GHR: variants seen among roughly 807,000 people sequenced by gnomAD.
GHR encodes growth hormone receptor, also known as GH receptor.
Under a neutral mutation model 67.1 loss-of-function variants are expected in GHR, and 35 were observed. The ratio of observed to expected loss-of-function variants is 0.52; its 90% CI spans 0.40 to 0.69. The LOEUF is 0.69. Among genes scored for constraint, GHR ranks in the 30% least tolerant of loss-of-function variants. The pLI, the probability that GHR is intolerant of heterozygous loss-of-function variation, is 0.00. For synonymous variants in GHR, 272 were observed against 269.1 expected (o/e 1.01, Z -0.10); for missense variants, 792 against 764.6 (o/e 1.04, Z -0.42).
At chr5:42,547,394 T>A (rs1462740931) in intron 1 of GHR, among the ~76,000 whole-genome samples, 2 of 152,092 alleles carry the variant, frequency 1.3e-5, no homozygotes, top group Non-Finnish European at 2.9e-5. Flanking sequence ...CACTCCACAC[T>A]CAATGATGGG....
intron 1 of GHR, among the ~76,000 whole-genome samples, chr5:42,562,396 A>AT (rs545991648): frequency 5.3e-4 from 81 of 151,982 alleles, no homozygotes; most frequent in African/African-American, 1.9e-3. Flanking sequence ...ATCCATCCAC[A>AT]TTTTTTTATC....
chr5:42,627,219 TC>T (rs577909127), intron 2 of GHR, among the ~76,000 whole-genome samples: 61 of 152,328 alleles, frequency 4.0e-4, no homozygotes, highest in African/African-American at 1.3e-3. Context: ...GAACTTTTTT[TC>T]ATACTGTTTA....
rs1554054642 is a variant in GHR, at chr5:42,474,333, G to GAAAGAAAAGAAAT, written c.-12+50386_-12+50398dup. On this transcript the variant is annotated intron_variant, in intron 1 of 9. Coordinates refer to ENST00000230882, the MANE Select transcript of GHR (RefSeq NM_000163.5). ...AGAAAGAAAGAAAGAAAGAAAGAAA[G>GAAAGAAAAGAAAT]AAAGAAAAGAAATAAAGAAAGAAAG... is the stretch of plus-strand genomic sequence containing the variant. 3.3e-4 allele frequency among the ~76,000 whole-genome samples: 49 copies of GAAAGAAAAGAAAT among 149,222 alleles called. 1 individual carries two copies. Among genetic ancestry groups the GAAAGAAAAGAAAT allele is most frequent in the Middle Eastern group, 6.8e-3 (2 of 294 alleles).
intron 1 of GHR, among the ~76,000 whole-genome samples, chr5:42,432,185 A>T (rs908422660): frequency 6.6e-6 from 1 of 152,234 alleles, no homozygotes; most frequent in Non-Finnish European, 1.5e-5. Context: ...ATATTAAACA[A>T]GTGATAAAGT....
chr5:42,593,469 C>CTA (rs1308867402), intron 2 of GHR, among the ~76,000 whole-genome samples: 1 of 152,138 alleles, frequency 6.6e-6, no homozygotes, highest in Non-Finnish European at 1.5e-5. Flanking sequence ...AGAGTCCTGC[C>CTA]TATATTCAAG....
rs1411025111 is a variant in GHR, at chr5:42,498,923, T to A, written c.-11-66941T>A. ...TTCTGGTACCTGAGAAAATTGACAATCTCTGGTCTAAACTCTTACAGGCCT... is the reference window on the plus strand; with the variant it reads ...TTCTGGTACCTGAGAAAATTGACAAACTCTGGTCTAAACTCTTACAGGCCT... On this transcript the variant is annotated intron_variant, in intron 1 of 9. Coordinates refer to ENST00000230882, the MANE Select transcript of GHR (RefSeq NM_000163.5). 3.3e-5 allele frequency among the ~76,000 whole-genome samples: 5 copies of A among 152,296 alleles called. No homozygotes were observed. The East Asian group carries it at 5.8e-4, about 18-fold the overall frequency.
chr5:42,632,396 C>A (rs1753971751), intron 3 of GHR, among the ~76,000 whole-genome samples: 1 of 152,188 alleles, frequency 6.6e-6, no homozygotes, highest in Admixed American at 6.5e-5. Flanking sequence ...TTCAGTAGCT[C>A]TGGAGAGACA....
intron 1 of GHR, among the ~76,000 whole-genome samples, chr5:42,491,319 T>C (rs1218901974): frequency 6.6e-6 from 1 of 152,214 alleles, no homozygotes; most frequent in Non-Finnish European, 1.5e-5. Context: ...TCATACAATA[T>C]AAGCTGAGGA....
At chr5:42,519,133 G>A (rs1442581385) in intron 1 of GHR, among the ~76,000 whole-genome samples, 2 of 152,112 alleles carry the variant, frequency 1.3e-5, no homozygotes, top group Admixed American at 6.5e-5. Context: ...TTTGTTCCTG[G>A]CAGCAAATAC....
intron 1 of GHR, among the ~76,000 whole-genome samples, chr5:42,446,106 T>C (rs932091283): frequency 3.5e-4 from 53 of 152,196 alleles, no homozygotes; most frequent in Non-Finnish European, 1.6e-4. Flanking sequence ...ATTGAAGGCC[T>C]GCATAAGTCA....
chr5:42,655,738 G>A (rs1399894464), intron 3 of GHR, among the ~76,000 whole-genome samples: 1 of 150,026 alleles, frequency 6.7e-6, no homozygotes, highest in Non-Finnish European at 1.5e-5. Flanking sequence ...CTACCGAAAT[G>A]AGACACTGTC....
intron 4 of GHR, among the ~76,000 whole-genome samples, chr5:42,693,150 T>C (rs1262317088): frequency 1.8e-4 from 28 of 152,046 alleles, no homozygotes; most frequent in Admixed American, 1.8e-3. Context: ...AACTTTTTTT[T>C]TTTTTGAGAT....
chr5:42,711,182 A>G, intron 6 of GHR, 25 bp from the exon 7 acceptor site: 1 of 1,593,334 alleles, frequency 6.3e-7, no homozygotes, highest in Non-Finnish European at 8.6e-7. Flanking sequence ...TTTGGCCAAT[A>G]TGCGTTTATA....
intron 4 of GHR, among the ~76,000 whole-genome samples, chr5:42,694,116 A>G (rs1191552059): frequency 6.6e-6 from 1 of 152,178 alleles, no homozygotes; most frequent in Non-Finnish European, 1.5e-5. Context: ...GCCTTCCATG[A>G]AGAGCCAGAG....
chr5:42,653,952 A>C (rs547762206), intron 3 of GHR, among the ~76,000 whole-genome samples: 1 of 152,304 alleles, frequency 6.6e-6, no homozygotes, highest in Admixed American at 6.5e-5. Context: ...GTGTTGTAAG[A>C]GTTATTTTAG....
At chr5:42,710,455 T>C (rs1284929983) in intron 6 of GHR, among the ~76,000 whole-genome samples, 3 of 152,098 alleles carry the variant, frequency 2.0e-5, no homozygotes, top group Non-Finnish European at 4.4e-5. Context: ...TGAGTATACC[T>C]CTTTGATAGC....
chr5:42,637,696 G>A (rs187763148), intron 3 of GHR, among the ~76,000 whole-genome samples: 2 of 152,128 alleles, frequency 1.3e-5, no homozygotes, highest in South Asian at 2.1e-4. Context: ...TCTTTATCCA[G>A]TCCACCATCA....
chr5:42,576,950 G>T (rs1016186953), intron 2 of GHR, among the ~76,000 whole-genome samples: 2 of 152,202 alleles, frequency 1.3e-5, no homozygotes, highest in African/African-American at 2.4e-5. Flanking sequence ...ATAGTTACTG[G>T]TAAGAGGTTT....
chr5:42,523,748 C>A (rs1190405166), intron 1 of GHR, among the ~76,000 whole-genome samples: 1 of 152,142 alleles, frequency 6.6e-6, no homozygotes, highest in East Asian at 1.9e-4. Flanking sequence ...AACCAAATCT[C>A]AACTTGAATT....
Sources: gnomAD v4.1 joint callset for allele counts (sites outside exome capture counted in the v4.1 genomes callset) on GRCh38, gnomAD v4.1.1 for gene constraint, MANE v1.5 for transcripts, NCBI Gene and HGNC (gene_info 2026-07-23, HGNC 2026-07-21) for gene names.